The following ACACB variants were observed in gnomAD, a reference collection of about 807,000 sequenced individuals.
ACACB encodes acetyl-CoA carboxylase beta.
In ACACB, 209 loss-of-function variants were observed where a neutral mutation model predicts 278.8. The observed-to-expected ratio is 0.75, with a 90% confidence interval of 0.67 to 0.84. The LOEUF (loss-of-function observed/expected upper bound fraction) is 0.84. ACACB is among the 40% of genes least tolerant of loss of function. ACACB has a pLI of 0.00. For synonymous variants in ACACB, 1,174 were observed against 1,285.6 expected (o/e 0.91, Z 1.86); for missense variants, 2,850 against 3,269.0 (o/e 0.87, Z 3.13).
intron 12 of ACACB, among the ~76,000 whole-genome samples, chr12:109,187,405 C>G (rs1393135739): frequency 1.3e-5 from 2 of 152,066 alleles, no homozygotes; most frequent in Non-Finnish European, 2.9e-5. Flanking sequence ...AACACCTGCA[C>G]TACCATCTCT....
At chr12:109,148,219 G>A (rs1001070078) in intron 2 of ACACB, among the ~76,000 whole-genome samples, 9 of 152,220 alleles carry the variant, frequency 5.9e-5, no homozygotes, top group African/African-American at 2.2e-4. Flanking sequence ...CAGAGCTAAT[G>A]AGAACATTAC....
At chr12:109,187,001 G>A (rs921547905) in intron 12 of ACACB, among the ~76,000 whole-genome samples, 7 of 151,936 alleles carry the variant, frequency 4.6e-5, no homozygotes, top group South Asian at 2.1e-4. Flanking sequence ...GAGACGGGCC[G>A]TTCTCCCAGA....
At position 109,244,141 on chromosome 12, in the gene ACACB, A is replaced by C. The variant is rs562734363; in HGVS notation, c.5179-1485A>C. ...TACAAAGAACGCAAACAAATTTACA[A>C]GAAAAACAACAACCCCATCAACAAG... On this transcript the variant is annotated intron_variant, in intron 37 of 52. Coordinates refer to ENST00000338432, the MANE Select transcript of ACACB (RefSeq NM_001093.4). 5.3e-5 allele frequency among the ~76,000 whole-genome samples: 8 copies of C among 152,314 alleles called. No homozygotes were observed. The South Asian group carries it at 1.2e-3, about 24-fold the overall frequency.
chr12:109,203,694 C>T (rs975030470), intron 19 of ACACB, among the ~76,000 whole-genome samples: 1 of 152,184 alleles, frequency 6.6e-6, no homozygotes, highest in Non-Finnish European at 1.5e-5. Flanking sequence ...AGGGGGTGCA[C>T]CAGAGTGTCT....
intron 2 of ACACB, chr12:109,154,667 G>A (rs565078008): frequency 4.4e-3 from 666 of 152,482 alleles, no homozygotes; most frequent in Admixed American, 9.1e-3. Context: ...CCGGGACTCT[G>A]GCGCGCAGGG....
At chr12:109,245,782 A>G (rs371241971) in intron 38 of ACACB, 34 bp downstream of exon 38, 2 of 1,606,372 alleles carry the variant, frequency 1.2e-6, no homozygotes, top group Non-Finnish European at 1.7e-6. Flanking sequence ...CCCTGGCTGG[A>G]GTCACCCCCT....
intron 13 of ACACB, among the ~76,000 whole-genome samples, chr12:109,190,092 CAA>C (rs936835572): frequency 6.6e-5 from 10 of 152,026 alleles, no homozygotes; most frequent in African/African-American, 2.4e-4. Flanking sequence ...GCCTGGGCAA[CAA>C]GAGTGAAGCT....
At chr12:109,220,646 G>A (rs989483831) in intron 24 of ACACB, among the ~76,000 whole-genome samples, 2 of 152,052 alleles carry the variant, frequency 1.3e-5, no homozygotes, top group African/African-American at 4.8e-5. Flanking sequence ...CTGCCTCCTG[G>A]GTTCAAGTGA....
At position 109,146,008 on chromosome 12, in the gene ACACB, C is replaced by T. The variant is rs1257176535; in HGVS notation, c.653+5950C>T. Among the ~76,000 whole-genome samples the T allele has an allele frequency of 3.3e-5, 5 of 151,604 alleles. No individual in the cohort carries two copies. The South Asian group carries it at 6.2e-4, about 19-fold the overall frequency. On this transcript the variant is annotated intron_variant, in intron 2 of 52. Coordinates refer to ENST00000338432, the MANE Select transcript of ACACB (RefSeq NM_001093.4). ...TGGGCAACAGAGTGAGACTCTGACT[C>T]GAAAAAAAAATTATTATTATTTTTT... is the stretch of plus-strand genomic sequence containing the variant.
chr12:109,134,024 G>C (rs2042910101), intron 1 of ACACB, among the ~76,000 whole-genome samples: 1 of 150,724 alleles, frequency 6.6e-6, no homozygotes, highest in Non-Finnish European at 1.5e-5. Context: ...GCTCAAGTGA[G>C]CCTCCCGCCT....
intron 13 of ACACB, among the ~76,000 whole-genome samples, chr12:109,190,758 G>T (rs1216370930): frequency 6.6e-6 from 1 of 151,970 alleles, no homozygotes; most frequent in Admixed American, 6.6e-5. Flanking sequence ...CTCCTGAGTA[G>T]CTGGGACTAC....
Position 109,166,979 on chromosome 12 carries a change from C to T in ACACB, c.772C>T (p.Arg258Trp), listed in dbSNP as rs759694366. The T allele has an allele frequency of 1.5e-5, 25 of 1,613,734 alleles. No homozygotes were observed. Among genetic ancestry groups the T allele is most frequent in the Middle Eastern group, 3.3e-4 (2 of 6,084 alleles). Residue 258 changes from arginine to tryptophan, a missense_variant, in exon 3 of 53, where the codon CGG becomes TGG. Coordinates refer to ENST00000338432, the MANE Select transcript of ACACB (RefSeq NM_001093.4). ...GTTTGTCACACGCTTTGGGGGGGATCGGGTCATCGAGAAGGTACAGATGGG... is the reference window on the plus strand; with the variant it reads ...GTTTGTCACACGCTTTGGGGGGGATTGGGTCATCGAGAAGGTACAGATGGG... ...AEFVTRFGGD[R>W]VIEKVLIANN... is the part of the protein sequence containing the mutation.
intron 31 of ACACB, 75 bp downstream of exon 31, chr12:109,234,120 C>A: frequency 7.9e-7 from 1 of 1,265,954 alleles, no homozygotes; most frequent in Non-Finnish European, 1.1e-6. Context: ...CGAGGCGGCC[C>A]TTGGGGAGGC....
chr12:109,210,944 A>T (rs1387351632), intron 21 of ACACB, among the ~76,000 whole-genome samples: 1 of 151,362 alleles, frequency 6.6e-6, no homozygotes, highest in Non-Finnish European at 1.5e-5. Flanking sequence ...ATTTGTGAAC[A>T]TGTTAAAAAA....
chr12:109,133,863 A>ATATATATATATATTT (rs55881936), intron 1 of ACACB, among the ~76,000 whole-genome samples: 1 of 70,656 alleles, frequency 1.4e-5, no homozygotes, highest in African/African-American at 8.9e-5. Flanking sequence ...ATATATATAT[A>ATATATATATATATTT]TTTTTTTTTT....
Position 109,179,069 on chromosome 12 carries a change from G to T in ACACB, c.1438-19G>T, listed in dbSNP as rs1180697626. On this transcript the variant is annotated intron_variant, in intron 9 of 52. Transcript: ENST00000338432. ...CTGGTTTCCCCATGAAGATCAGGCT[G>T]CTCTGCTTCCCCCGACAGGTACAGA... 5.0e-6 allele frequency: 8 copies of T among 1,607,350 alleles called. No homozygotes were observed. In the Admixed American group the frequency reaches 1.0e-4, roughly 20 times the overall value.
chr12:109,253,068 C>G lies in ACACB; in HGVS notation c.5955C>G (p.Ile1985Met). Residue 1985 changes from isoleucine to methionine, a missense_variant, in exon 43 of 53, where the codon ATC becomes ATG. Physicochemically the swap from Ile to Met is conservative, Grantham distance 10. Around this residue, in one of 3 missense-constraint regions of ACACB, gnomAD observed 579 missense variants for 684.6 expected, o/e 0.85. Coordinates refer to ENST00000338432, the MANE Select transcript of ACACB (RefSeq NM_001093.4). ...TSNNQLGGVQ[I>M]MHYNGVSHIT... ...ACAACCAGCTGGGTGGCGTTCAGAT[C>G]ATGCATTACAATGGTGTCTCCCACA... is the stretch of plus-strand genomic sequence containing the variant. 6.2e-7 allele frequency: 1 copy of G among 1,613,470 alleles called. No individual in the cohort carries two copies. The highest frequency in any genetic ancestry group is 8.5e-7 in the Non-Finnish European group (1 of 1,179,666).
intron 11 of ACACB, 23 bp downstream of exon 11, chr12:109,180,110 C>T: frequency 1.9e-6 from 3 of 1,604,978 alleles, no homozygotes; most frequent in Non-Finnish European, 2.6e-6. Context: ...GCTTGGGGCC[C>T]TGGGACTTCT....
chr12:109,127,865 A>G (rs1343638130), intron 1 of ACACB, among the ~76,000 whole-genome samples: 3 of 152,134 alleles, frequency 2.0e-5, no homozygotes, highest in Non-Finnish European at 2.9e-5. Flanking sequence ...CTGCCAGCTA[A>G]AAGTTGTCAC....
Sources: gnomAD v4.1 joint callset for allele counts (sites outside exome capture counted in the v4.1 genomes callset) on GRCh38, gnomAD v4.1.1 for gene constraint, gnomAD v4.1.1 regional missense constraint, MANE v1.5 for transcripts, NCBI Gene and HGNC (gene_info 2026-07-23, HGNC 2026-07-21) for gene names.